NTSR2: variants seen among roughly 807,000 people sequenced by gnomAD.
The protein encoded by NTSR2 is neurotensin receptor type 2.
NTSR2 carries 22 observed loss-of-function variants against 24.1 expected under a neutral mutation model. The observed-to-expected ratio is 0.91, with a 90% CI of 0.65 to 1.30. NTSR2 has a LOEUF of 1.30. NTSR2 is among the 50% of genes most tolerant of loss of function. The pLI is 0.00. For missense variants in NTSR2, 570 were observed against 570.4 expected (o/e 1.00, Z 0.01); for synonymous variants, 291 against 267.0 (o/e 1.09, Z -0.88).
Position 11,662,240 on chromosome 2 carries a change from C to T in NTSR2, c.625G>A (p.Val209Met), listed in dbSNP as rs1661090462. ...SRTALQVFIQ[V>M]NVLVSFVLPL... Reference sequence around the variant, plus strand: ...AGCACGAAGGACACCAGCACATTCACCTGTGGAGGTAATGCCAAGGGCTAT... The same window carrying T: ...AGCACGAAGGACACCAGCACATTCATCTGTGGAGGTAATGCCAAGGGCTAT... The change falls in exon 2 of 4, where the codon GTG (valine) becomes ATG (methionine). Residue 209 changes from valine (V) to methionine (M), a missense_variant and splice_region_variant. Val to Met is a conservative substitution (Grantham distance 21, BLOSUM62 1). Coordinates refer to ENST00000306928, the MANE Select transcript of NTSR2 (RefSeq NM_012344.4). 2 of 1,502,718 alleles carry T rather than the reference C, an allele frequency of 1.3e-6. No individual in the cohort carries two copies. The highest frequency in any genetic ancestry group is 1.4e-5 in the African/African-American group (1 of 71,154). 93.1% of individuals were successfully genotyped at this position (1,502,718 alleles called of 1,614,324 possible). A position where few individuals can be genotyped will look rare whatever the true frequency, so the allele number is the denominator to read the frequency against.
At chr2:11,669,460 G>GGGGGGGGGCCCCCCCCCCCCCC in intron 1 of NTSR2, 46 bp downstream of exon 1, 1 of 254,726 alleles carries the variant, frequency 3.9e-6, no homozygotes. Context: ...TCCCAGCACC[G>GGGGGGGGGCCCCCCCCCCCCCC]CCCCCCCACC....
intron 1 of NTSR2, among the ~76,000 whole-genome samples, chr2:11,664,242 G>A (rs573917663): frequency 4.0e-4 from 61 of 150,836 alleles, no homozygotes; most frequent in South Asian, 1.5e-3. Flanking sequence ...TCAGCCTCCC[G>A]AGTAGCTGGG....
At position 11,658,314 on chromosome 2, in the gene NTSR2, G is replaced by T; in HGVS notation, c.*165C>A. 7 of 831,678 alleles carry T rather than the reference G, an allele frequency of 8.4e-6. No homozygotes were observed. Among genetic ancestry groups the T allele is most frequent in the Non-Finnish European group, 1.3e-5 (7 of 540,716 alleles). The allele number at this position is 831,678 out of a possible 1,614,324, so 51.5% of individuals were successfully genotyped here. ...GACGAGGGAGCCTGAGGCTAGGAGG[G>T]GTCACGTGGCTTCCCTGCGCTTGAT... On this transcript the variant is annotated 3_prime_UTR_variant, in exon 4 of 4. Coordinates refer to ENST00000306928, the MANE Select transcript of NTSR2 (RefSeq NM_012344.4).
intron 1 of NTSR2, among the ~76,000 whole-genome samples, chr2:11,664,995 T>C (rs1661162576): frequency 1.3e-5 from 2 of 151,690 alleles, no homozygotes; most frequent in African/African-American, 2.4e-5. Context: ...GGTTGAACCA[T>C]GTCAAGGAAA....
intron 1 of NTSR2, 46 bp downstream of exon 1, chr2:11,669,460 G>GGGGGGGGGGGGGGGCGGCCC: frequency 3.9e-6 from 1 of 254,726 alleles, no homozygotes; most frequent in Non-Finnish European, 6.9e-6. Flanking sequence ...TCCCAGCACC[G>GGGGGGGGGGGGGGGCGGCCC]CCCCCCCACC....
In NTSR2 at chr2:11,663,105, C is replaced by T. The variant is rs1017448915; in HGVS notation, c.625-865G>A. ...AATTTTATACCCAGCCATATTATGA[C>T]AAACATGAGGATAAAAGAAAACAAT... On this transcript the variant is annotated intron_variant, in intron 1 of 3. Transcript: ENST00000306928. Among the ~76,000 whole-genome samples the T allele has an allele frequency of 3.3e-5, 5 of 152,292 alleles. No homozygotes were observed. In the East Asian group the frequency reaches 9.6e-4, roughly 29 times the overall value.
intron 3 of NTSR2, among the ~76,000 whole-genome samples, chr2:11,658,934 A>G (rs557566635): frequency 6.6e-6 from 1 of 152,080 alleles, no homozygotes; most frequent in South Asian, 2.1e-4. Flanking sequence ...GCTCACTGCA[A>G]CCTCCGCCTT....
intron 1 of NTSR2, among the ~76,000 whole-genome samples, chr2:11,669,255 C>T (rs544199820): frequency 6.6e-6 from 1 of 152,300 alleles, no homozygotes; most frequent in South Asian, 2.1e-4. Flanking sequence ...TGTCTGAGCA[C>T]CACTCTCGCA....
chr2:11,669,950 CG>C lies in NTSR2; in HGVS notation c.179del (p.Ala60GlyfsTer65), dbSNP rs777175038. On this transcript the variant is annotated frameshift_variant, in exon 1 of 4. Transcript: ENST00000306928. LOFTEE classifies it high-confidence loss of function. ...GCAGGCGCCCCGCGCGCCCGGCCCG[CG>C]CCTTCAGCACCACGTGCGCGGACAG... is the stretch of plus-strand genomic sequence containing the variant. ...NALSAHVVLK[A>X]RAGRAGRLRH... The C allele has an allele frequency of 6.6e-7, 1 of 1,512,130 alleles. No individual in the cohort carries two copies. The highest frequency in any genetic ancestry group is 2.2e-5 in the Admixed American group (1 of 45,820). The allele number at this position is 1,512,130 out of a possible 1,614,324, so 93.7% of individuals were successfully genotyped here.
chr2:11,658,589 A>G lies in NTSR2; in HGVS notation c.1123T>C (p.Ser375Pro), dbSNP rs1313506257. Residue 375 changes from serine to proline, a missense_variant, in exon 4 of 4, where the codon TCC becomes CCC. Ser to Pro is a moderately conservative substitution (Grantham distance 74). Transcript: ENST00000306928. ...FRKLFLEAVS[S>P]LCGEHHPMKR... ...ATGGGGTGGTGCTCTCCACACAGGG[A>G]GCTGACGGCTTCCAGGAAGAGTTTT... 1 of 1,613,996 alleles carries G rather than the reference A, an allele frequency of 6.2e-7. No individual in the cohort carries two copies. The highest frequency in any genetic ancestry group is 2.2e-5 in the East Asian group (1 of 44,894).
At chr2:11,660,159 C>G in intron 2 of NTSR2, 26 bp from the exon 3 acceptor site, 1 of 1,580,972 alleles carries the variant, frequency 6.3e-7, no homozygotes, top group Non-Finnish European at 8.7e-7. Context: ...AAGGGAGAGA[C>G]AGCGCCAGGA....
intron 3 of NTSR2, 117 bp from the exon 4 acceptor site, chr2:11,658,839 A>C: frequency 8.5e-7 from 1 of 1,179,984 alleles, no homozygotes; most frequent in Non-Finnish European, 1.2e-6. Context: ...ATTTTCTGCT[A>C]TCAGGAAGCA....
chr2:11,666,561 T>G (rs149990455), intron 1 of NTSR2, among the ~76,000 whole-genome samples: 3,106 of 151,992 alleles, frequency 0.02, 103 homozygotes, highest in African/African-American at 0.072. Context: ...TAGCTGGGCG[T>G]GGTGGCACGT....
intron 1 of NTSR2, among the ~76,000 whole-genome samples, chr2:11,666,990 A>C (rs1041230193): frequency 1.3e-5 from 2 of 152,224 alleles, no homozygotes; most frequent in African/African-American, 4.8e-5. Context: ...AGGACCTGCA[A>C]TATTCTGGGC....
intron 3 of NTSR2, 135 bp downstream of exon 3, chr2:11,659,908 C>T (rs930593462): frequency 5.0e-5 from 32 of 638,898 alleles, no homozygotes; most frequent in South Asian, 1.8e-4. Flanking sequence ...ACAGACTGCA[C>T]GGGACCAGGT....
At position 11,662,210 on chromosome 2, in the gene NTSR2, A is replaced by G. The variant is rs552504633; in HGVS notation, c.655T>C (p.Leu219=). The change falls in exon 2 of 4, where the codon TTG becomes CTG. Residue 219 remains leucine, a synonymous_variant. Coordinates refer to ENST00000306928, the MANE Select transcript of NTSR2 (RefSeq NM_012344.4). ...CCATTCAGGAAAGCAGTTAGTGCCAAGGGGAGCACGAAGGACACCAGCACA... is the reference window on the plus strand; with the variant it reads ...CCATTCAGGAAAGCAGTTAGTGCCAGGGGGAGCACGAAGGACACCAGCACA... ...VNVLVSFVLP[L]ALTAFLNGVT... is the part of the protein sequence containing the mutation. 53 of 1,548,014 alleles carry G rather than the reference A, an allele frequency of 3.4e-5. No individual in the cohort carries two copies. The South Asian group carries it at 6.4e-4, about 19-fold the overall frequency.
chr2:11,658,808 G>C (rs1232063313), intron 3 of NTSR2, 86 bp from the exon 4 acceptor site: 1 of 1,477,556 alleles, frequency 6.8e-7, no homozygotes, highest in Non-Finnish European at 9.2e-7. Context: ...CTCTCCTCCA[G>C]AGGGCTGCAT....
chr2:11,663,701 G>T (rs1661131978), intron 1 of NTSR2, among the ~76,000 whole-genome samples: 1 of 152,214 alleles, frequency 6.6e-6, no homozygotes. Flanking sequence ...GAAGGAGGAT[G>T]GGGCCAGTGT....
chr2:11,666,420 G>C (rs1337627252), intron 1 of NTSR2, among the ~76,000 whole-genome samples: 1 of 152,198 alleles, frequency 6.6e-6, no homozygotes, highest in African/African-American at 2.4e-5. Context: ...GTGAATCTAG[G>C]CCGGGCGTGG....
Sources: gnomAD v4.1 joint callset for allele counts (sites outside exome capture counted in the v4.1 genomes callset) on GRCh38, gnomAD v4.1.1 for gene constraint, MANE v1.5 for transcripts, NCBI Gene and HGNC (gene_info 2026-07-23, HGNC 2026-07-21) for gene names.